Variants in HGF observed in about 807,000 individuals in gnomAD.
The protein encoded by HGF is fibroblast-derived tumor cytotoxic factor.
A neutral mutation model predicts 111.6 loss-of-function variants in HGF; 39 were observed. The ratio of observed to expected loss-of-function variants is 0.35; its 90% CI spans 0.27 to 0.46. The LOEUF (loss-of-function observed/expected upper bound fraction) is 0.46. Ranked by LOEUF, HGF falls within the 20% of genes least tolerant of loss-of-function variation. The pLI, the probability that HGF is intolerant of heterozygous loss-of-function variation, is 1.00. For synonymous variants in HGF, 285 were observed against 294.8 expected (o/e 0.97, Z 0.34); for missense variants, 735 against 910.5 (o/e 0.81, Z 2.48).
chr7:81,728,015 T>C (rs5745698), intron 8 of HGF, among the ~76,000 whole-genome samples: 6 of 152,188 alleles, frequency 3.9e-5, no homozygotes, highest in Admixed American at 3.9e-4. Context: ...AGTTACAGTG[T>C]TCCAAAGATT....
chr7:81,730,805 C>T (rs1004979036), intron 7 of HGF, among the ~76,000 whole-genome samples: 2 of 152,034 alleles, frequency 1.3e-5, no homozygotes, highest in African/African-American at 4.8e-5. Flanking sequence ...GTAAACTTCC[C>T]AGCTACCTTT....
chr7:81,712,057 G>A (rs924712443), intron 11 of HGF, among the ~76,000 whole-genome samples: 2 of 152,140 alleles, frequency 1.3e-5, no homozygotes, highest in Non-Finnish European at 2.9e-5. Flanking sequence ...GGTACTAGGT[G>A]ATATGAGCAG....
chr7:81,726,544 A>G (rs1447219096), intron 8 of HGF, among the ~76,000 whole-genome samples: 2 of 152,130 alleles, frequency 1.3e-5, no homozygotes, highest in African/African-American at 4.8e-5. Flanking sequence ...CATTTCTTTG[A>G]TTTATTTAAT....
chr7:81,769,448 T>C (rs1457074128), intron 1 of HGF, among the ~76,000 whole-genome samples: 1 of 152,162 alleles, frequency 6.6e-6, no homozygotes, highest in African/African-American at 2.4e-5. Context: ...GACTAGGTGA[T>C]GTGGAGTAGT....
rs1209068733 is a variant in HGF at position 81,728,419 on chromosome 7, GTCA to G, written c.1040+1183_1040+1185del. Among the ~76,000 whole-genome samples, 4 of 152,194 alleles carry G rather than the reference GTCA, an allele frequency of 2.6e-5. No individual in the cohort carries two copies. The East Asian group carries it at 7.7e-4, about 29-fold the overall frequency. On this transcript the variant is annotated intron_variant, in intron 8 of 17. Coordinates refer to ENST00000222390, the MANE Select transcript of HGF (RefSeq NM_000601.6). ...CACAATTTCTTATTGGGTATTACTAGTCATTAGAAGTTAACAAAAATGTGAATG... is the reference window on the plus strand; with the variant it reads ...CACAATTTCTTATTGGGTATTACTAGTTAGAAGTTAACAAAAATGTGAATG...
intron 7 of HGF, 59 bp downstream of exon 7, chr7:81,743,294 G>A (rs1325285624): frequency 3.2e-6 from 3 of 949,152 alleles, no homozygotes; most frequent in Non-Finnish European, 5.2e-6. Context: ...ACTAATAATC[G>A]CCTGCTTAGA....
chr7:81,764,517 C>T (rs1789260261), intron 1 of HGF, among the ~76,000 whole-genome samples: 1 of 152,024 alleles, frequency 6.6e-6, no homozygotes, highest in Non-Finnish European at 1.5e-5. Context: ...GACCAAATGC[C>T]TTGTACAACA....
chr7:81,742,768 C>G, intron 7 of HGF: 1 of 1,508,800 alleles, frequency 6.6e-7, no homozygotes, highest in Non-Finnish European at 8.9e-7. Flanking sequence ...ATTGTATGGA[C>G]TGCTAAAAGA....
intron 2 of HGF, among the ~76,000 whole-genome samples, chr7:81,759,359 G>GAAAACTCCTAA (rs1788946518): frequency 6.6e-6 from 1 of 152,254 alleles, no homozygotes; most frequent in Admixed American, 6.5e-5. Flanking sequence ...AGTGGGATCT[G>GAAAACTCCTAA]AAACCAAGTG....
In HGF at chr7:81,766,593, A is replaced by G. The variant is rs1789368445; in HGVS notation, c.88+3291T>C. On this transcript the variant is annotated intron_variant, in intron 1 of 17. Transcript: ENST00000222390. The stretch of plus-strand genomic sequence containing the variant: ...TGTCAGATGTAAATCAAATGCTGAT[A>G]TTTGAGAAGCTGCAGCATCATCTCT... Among the ~76,000 whole-genome samples the G allele has an allele frequency of 2.0e-5, 3 of 152,200 alleles. No homozygotes were observed. The South Asian group carries it at 6.2e-4, about 32-fold the overall frequency.
chr7:81,761,881 G>C (rs1331271715), intron 2 of HGF, among the ~76,000 whole-genome samples: 1 of 152,118 alleles, frequency 6.6e-6, no homozygotes, highest in Non-Finnish European at 1.5e-5. Context: ...ATTCTCATAA[G>C]GAGCGCACAC....
chr7:81,721,466 T>C (rs1789860609), intron 9 of HGF, among the ~76,000 whole-genome samples: 1 of 152,168 alleles, frequency 6.6e-6, no homozygotes, highest in Admixed American at 6.5e-5. Flanking sequence ...GACTAACACA[T>C]GTATTTCCCA....
intron 4 of HGF, chr7:81,755,219 G>A (rs1788702059): frequency 6.6e-6 from 1 of 151,898 alleles, no homozygotes; most frequent in Non-Finnish European, 1.5e-5. Flanking sequence ...TTTCCATTAA[G>A]CCACTAGTAA....
intron 7 of HGF, chr7:81,736,714 C>A (rs1323914985): frequency 4.2e-6 from 2 of 476,612 alleles, no homozygotes; most frequent in Admixed American, 2.2e-5. Flanking sequence ...AAATATGAGG[C>A]AAAGGAAGAA....
At chr7:81,728,228 T>C (rs1790071210) in intron 8 of HGF, among the ~76,000 whole-genome samples, 1 of 152,250 alleles carries the variant, frequency 6.6e-6, no homozygotes, top group Admixed American at 6.5e-5. Flanking sequence ...TACTTATGTT[T>C]GGTTATTTAA....
In HGF at chr7:81,755,188, ATTTCATCATC is replaced by A. The variant is rs900334407; in HGVS notation, c.482+1991_482+2000del. On this transcript the variant is annotated intron_variant, in intron 4 of 17. Coordinates refer to ENST00000222390, the MANE Select transcript of HGF (RefSeq NM_000601.6). ...ATTTTCTAGTTAAGCTTCTACATTA[ATTTCATCATC>A]TTTCATCATCTTTCCATTAAGCCAC... The A allele has an allele frequency of 6.6e-6, 1 of 152,066 alleles. No individual in the cohort carries two copies. Among genetic ancestry groups the A allele is most frequent in the African/African-American group, 2.4e-5 (1 of 41,430 alleles). 9.4% of individuals were successfully genotyped at this position (152,066 alleles called of 1,614,324 possible).
At position 81,752,195 on chromosome 7, in the gene HGF, C is replaced by G. The variant is rs1372017871; in HGVS notation, c.550G>C (p.Glu184Gln). 1 of 1,613,630 alleles carries G rather than the reference C, an allele frequency of 6.2e-7. No individual in the cohort carries two copies. Among genetic ancestry groups the G allele is most frequent in the Admixed American group, 1.7e-5 (1 of 59,990 alleles). ...ENYCRNPRGE[E>Q]GGPWCFTSNP... is the part of the protein sequence containing the mutation. Reference sequence around the variant, plus strand: ...CTTGTGAAACACCAGGGTCCCCCTTCTTCCCCTCGAGGATTTCGACAGTAG... The same window carrying G: ...CTTGTGAAACACCAGGGTCCCCCTTGTTCCCCTCGAGGATTTCGACAGTAG... The change falls in exon 5 of 18, where the codon GAA becomes CAA. Residue 184 changes from glutamate (E) to glutamine (Q), a missense_variant. Glu to Gln is a conservative substitution (Grantham distance 29, BLOSUM62 2). Around this residue, in one of 3 missense-constraint regions of HGF, gnomAD observed 553 missense variants for 685.6 expected, o/e 0.81. Transcript: ENST00000222390.
chr7:81,768,211 G>A (rs1789458885), intron 1 of HGF, among the ~76,000 whole-genome samples: 1 of 152,132 alleles, frequency 6.6e-6, no homozygotes, highest in Non-Finnish European at 1.5e-5. Context: ...CTACTGTTTG[G>A]GTTTTCCACA....
intron 1 of HGF, among the ~76,000 whole-genome samples, chr7:81,769,624 T>C (rs544101585): frequency 1.1e-4 from 16 of 152,200 alleles, no homozygotes; most frequent in African/African-American, 3.9e-4. Context: ...CCACAACTAT[T>C]AGGCTAAGTG....
Sources: allele counts gnomAD v4.1 joint callset (sites outside exome capture counted in the v4.1 genomes callset), GRCh38; gene constraint gnomAD v4.1.1; regional missense constraint gnomAD v4.1.1; transcripts MANE v1.5; gene names NCBI Gene and HGNC (gene_info 2026-07-23, HGNC 2026-07-21).